Variants in CDH8 observed in about 807,000 individuals in gnomAD.
The protein encoded by CDH8 is cadherin 8, also known as cadherin-8.
A neutral mutation model predicts 68.1 loss-of-function variants in CDH8; 17 were observed. That is an observed-to-expected ratio of 0.25 (90% CI 0.17 to 0.37). The LOEUF is 0.37. Among genes scored for constraint, CDH8 ranks in the 10% least tolerant of loss-of-function variants. CDH8 has a pLI of 1.00. For missense variants in CDH8, 763 were observed against 999.3 expected, an observed-to-expected ratio of 0.76 and a Z score of 3.19; for synonymous variants, 372 against 365.1, an observed-to-expected ratio of 1.02 and a Z score of -0.21.
intron 10 of CDH8, among the ~76,000 whole-genome samples, chr16:61,688,664 G>A (rs1964153267): frequency 6.6e-6 from 1 of 151,858 alleles, no homozygotes; most frequent in South Asian, 2.1e-4. Context: ...AAGATTCAAA[G>A]AGCTTAAATT....
At chr16:61,817,820 T>G in intron 6 of CDH8, 88 bp from the exon 7 acceptor site, 1 of 1,368,508 alleles carries the variant, frequency 7.3e-7, no homozygotes, top group Non-Finnish European at 9.9e-7. Flanking sequence ...ATGAAAGTTA[T>G]GTGCATTTAA....
At chr16:61,716,942 G>C (rs1212250815) in intron 9 of CDH8, among the ~76,000 whole-genome samples, 1 of 151,332 alleles carries the variant, frequency 6.6e-6, no homozygotes, top group Admixed American at 6.6e-5. Flanking sequence ...AAAAGAAAAA[G>C]AACAGATTTG....
Position 61,767,895 on chromosome 16 carries a change from A to G in CDH8, c.1414+21451T>C, listed in dbSNP as rs577804435. ...TCTGCCTCAAAGCCTGGCTCCATCA[A>G]TTATTTGCTGCAAAGTCTTTAGAAC... On this transcript the variant is annotated intron_variant, in intron 8 of 11. Coordinates refer to ENST00000577390, the MANE Select transcript of CDH8 (RefSeq NM_001796.5). 7.7e-4 allele frequency among the ~76,000 whole-genome samples: 117 copies of G among 151,538 alleles called. 1 individual carries two copies. The highest frequency in any genetic ancestry group is 2.7e-3 in the African/African-American group (112 of 41,072).
At chr16:61,976,747 A>C (rs1477608689) in intron 2 of CDH8, among the ~76,000 whole-genome samples, 1 of 152,198 alleles carries the variant, frequency 6.6e-6, no homozygotes, top group Non-Finnish European at 1.5e-5. Context: ...TGTAAAACCA[A>C]GGCATAATGG....
At chr16:61,894,008 T>G (rs1963826695) in intron 3 of CDH8, among the ~76,000 whole-genome samples, 1 of 152,114 alleles carries the variant, frequency 6.6e-6, no homozygotes. Context: ...AATAGTTTCA[T>G]GAGGAATAAG....
chr16:61,870,785 T>G (rs1201444558), intron 3 of CDH8, among the ~76,000 whole-genome samples: 2 of 152,140 alleles, frequency 1.3e-5, no homozygotes, highest in African/African-American at 2.4e-5. Flanking sequence ...TTCAAGAGTG[T>G]GCCACATAAT....
intron 7 of CDH8, among the ~76,000 whole-genome samples, chr16:61,792,798 T>C (rs1961409471): frequency 6.6e-6 from 1 of 151,918 alleles, no homozygotes; most frequent in Non-Finnish European, 1.5e-5. Context: ...CATGAGATGA[T>C]AGGTGTGCCA....
At chr16:61,673,570 A>G (rs962626378) in intron 10 of CDH8, among the ~76,000 whole-genome samples, 2 of 152,114 alleles carry the variant, frequency 1.3e-5, no homozygotes, top group Non-Finnish European at 2.9e-5. Flanking sequence ...TGTTTTATTC[A>G]ATATGTACAA....
intron 10 of CDH8, among the ~76,000 whole-genome samples, chr16:61,691,350 T>C (rs966158644): frequency 6.7e-6 from 1 of 149,368 alleles, no homozygotes; most frequent in African/African-American, 2.5e-5. Context: ...TTTGCATACA[T>C]GTGCATTATC....
chr16:61,783,736 CT>C (rs1382608177), intron 8 of CDH8, among the ~76,000 whole-genome samples: 1 of 151,780 alleles, frequency 6.6e-6, no homozygotes, highest in Non-Finnish European at 1.5e-5. Context: ...AACAGCGGAT[CT>C]CTCGGCAGAA....
intron 3 of CDH8, among the ~76,000 whole-genome samples, chr16:61,867,464 G>C (rs1353562449): frequency 6.6e-6 from 1 of 152,082 alleles, no homozygotes; most frequent in African/African-American, 2.4e-5. Flanking sequence ...TGCAGGAGGG[G>C]CAGATAAACA....
intron 2 of CDH8, among the ~76,000 whole-genome samples, chr16:61,950,035 G>C (rs886524594): frequency 1.3e-5 from 2 of 151,724 alleles, no homozygotes; most frequent in Non-Finnish European, 2.9e-5. Context: ...CATCACACTG[G>C]CAGTTGCTAT....
At chr16:61,795,189 G>T (rs1961467972) in intron 7 of CDH8, among the ~76,000 whole-genome samples, 1 of 151,876 alleles carries the variant, frequency 6.6e-6, no homozygotes, top group Admixed American at 6.6e-5. Flanking sequence ...AAAAAAAAGA[G>T]TGGGTTAAAA....
chr16:61,654,447 G>A (rs886123497), intron 11 of CDH8, among the ~76,000 whole-genome samples: 3 of 152,036 alleles, frequency 2.0e-5, no homozygotes, highest in African/African-American at 7.2e-5. Context: ...CTTGATATGT[G>A]TTTCAAGCAA....
At chr16:61,826,071 T>G (rs1225758497) in intron 4 of CDH8, among the ~76,000 whole-genome samples, 1 of 151,830 alleles carries the variant, frequency 6.6e-6, no homozygotes, top group Non-Finnish European at 1.5e-5. Flanking sequence ...GCTGACATTT[T>G]GAGGCGCAAA....
chr16:61,737,735 T>C (rs1409381309), intron 8 of CDH8, among the ~76,000 whole-genome samples: 1 of 152,172 alleles, frequency 6.6e-6, no homozygotes, highest in Non-Finnish European at 1.5e-5. Context: ...AGTTTTTATC[T>C]TTACAGTATT....
rs1022762315 is a variant in CDH8, at chr16:61,951,524, A to G, written c.253-50051T>C. On this transcript the variant is annotated intron_variant, in intron 2 of 11. Transcript: ENST00000577390. Reference sequence around the variant, plus strand: ...TGAGACTCCGTCTCAAAAAAAAAAAAAAAAAAGATGCCATATGATCTTCTT... The same window carrying G: ...TGAGACTCCGTCTCAAAAAAAAAAAGAAAAAAGATGCCATATGATCTTCTT... Among the ~76,000 whole-genome samples the G allele has an allele frequency of 1.9e-4, 29 of 152,026 alleles. 1 individual carries two copies. The highest frequency in any genetic ancestry group is 6.8e-4 in the African/African-American group (28 of 41,456).
intron 3 of CDH8, among the ~76,000 whole-genome samples, chr16:61,862,584 A>G (rs191775403): frequency 6.6e-6 from 1 of 152,324 alleles, no homozygotes; most frequent in East Asian, 1.9e-4. Context: ...ATTTCTCCTA[A>G]TAGTGACTCA....
chr16:61,938,932 G>C (rs1010101071), intron 2 of CDH8, among the ~76,000 whole-genome samples: 1 of 152,100 alleles, frequency 6.6e-6, no homozygotes, highest in Non-Finnish European at 1.5e-5. Flanking sequence ...CAGCTATTTA[G>C]TAAGCATTTA....
Sources: gnomAD v4.1 joint callset for allele counts (sites outside exome capture counted in the v4.1 genomes callset) on GRCh38, gnomAD v4.1.1 for gene constraint, MANE v1.5 for transcripts, NCBI Gene and HGNC (gene_info 2026-07-23, HGNC 2026-07-21) for gene names.